The following CCDC190 variants were observed in gnomAD, a reference collection of about 807,000 sequenced individuals.
CCDC190 encodes coiled-coil domain containing 190, also known as coiled-coil domain-containing protein 190.
A neutral mutation model predicts 13.1 loss-of-function variants in CCDC190; 10 were observed. The ratio of observed to expected loss-of-function variants is 0.77; its 90% CI spans 0.47 to 1.30. The LOEUF (loss-of-function observed/expected upper bound fraction) is 1.30, where lower values mean the gene tolerates loss of function less well. Ranked by LOEUF, CCDC190 falls within the 50% of genes most tolerant of loss-of-function variation. CCDC190 has a pLI of 0.00. For synonymous variants in CCDC190, 136 were observed against 127.2 expected (o/e 1.07, Z -0.47); for missense variants, 375 against 354.3 (o/e 1.06, Z -0.47).
upstream of CCDC190, among the ~76,000 whole-genome samples, chr1:162,864,490 G>A (rs10917617): frequency 0.81 from 122,197 of 151,764 alleles, 51,443 homozygotes; most frequent in Non-Finnish European, 0.94. Context: ...TATTTTTCTT[G>A]TTATATAAAT....
At chr1:162,859,802 A>G in intron 1 of CCDC190, 144 bp from the exon 2 acceptor site, 1 of 636,598 alleles carries the variant, frequency 1.6e-6, no homozygotes, top group Non-Finnish European at 2.6e-6. Context: ...CTATTGTTAA[A>G]TGAGTTTCCA....
chr1:162,856,294 T>C (rs1010958186), intron 2 of CCDC190, among the ~76,000 whole-genome samples: 1 of 152,212 alleles, frequency 6.6e-6, no homozygotes, highest in Non-Finnish European at 1.5e-5. Context: ...TAGATGGAAA[T>C]GGAAAATTTA....
At chr1:162,865,862 T>C (rs1159122673), upstream of CCDC190, among the ~76,000 whole-genome samples, 2 of 152,118 alleles carry the variant, frequency 1.3e-5, no homozygotes, top group South Asian at 4.2e-4. Context: ...CTCTTACCAC[T>C]TCTACTATTG....
intron 1 of CCDC190, among the ~76,000 whole-genome samples, chr1:162,868,333 A>C (rs1438839107): frequency 6.6e-6 from 1 of 152,236 alleles, no homozygotes; most frequent in Non-Finnish European, 1.5e-5. Flanking sequence ...CACAGCACAG[A>C]GCTTTCAAAA....
At chr1:162,857,704 G>A (rs1471680645) in intron 2 of CCDC190, among the ~76,000 whole-genome samples, 1 of 152,032 alleles carries the variant, frequency 6.6e-6, no homozygotes, top group Non-Finnish European at 1.5e-5. Flanking sequence ...TCCTTTGATA[G>A]ACACAGGAAC....
At chr1:162,868,000 A>G (rs1232378126) in intron 1 of CCDC190, among the ~76,000 whole-genome samples, 1 of 152,222 alleles carries the variant, frequency 6.6e-6, no homozygotes, top group Non-Finnish European at 1.5e-5. Context: ...TACTTGCTGC[A>G]TATATTTGTC....
chr1:162,859,244 T>A (rs1051014774), intron 2 of CCDC190, among the ~76,000 whole-genome samples: 14 of 152,124 alleles, frequency 9.2e-5, no homozygotes, highest in Non-Finnish European at 2.1e-4. Flanking sequence ...GCCTGAGAAA[T>A]GTTAGCTCAA....
chr1:162,855,575 T>C, intron 3 of CCDC190, 57 bp downstream of exon 3: 1 of 1,593,096 alleles, frequency 6.3e-7, no homozygotes, highest in East Asian at 2.2e-5. Flanking sequence ...TTTAAAGAGG[T>C]CATTTGGGAA....
At position 162,854,117 on chromosome 1, in the gene CCDC190, A is replaced by C. The variant is rs1650202538; in HGVS notation, c.*648T>G. On this transcript the variant is annotated 3_prime_UTR_variant, in exon 4 of 4. Transcript: ENST00000367912. ...TTGACAGCATGTTGGGAGATGATTA[A>C]AAGTTTTTTAAATCCTTTGATTCTA... 1.6e-6 allele frequency: 1 copy of C among 639,290 alleles called. No homozygotes were observed. Among genetic ancestry groups the C allele is most frequent in the African/African-American group, 2.0e-5 (1 of 50,234 alleles). The allele number at this position is 639,290 out of a possible 1,614,324, so 39.6% of individuals were successfully genotyped here.
At chr1:162,860,562 AT>A (rs554309165) in intron 1 of CCDC190, among the ~76,000 whole-genome samples, 149 of 144,696 alleles carry the variant, frequency 1.0e-3, no homozygotes, top group Middle Eastern at 3.6e-3. Context: ...AGGTTTGGTG[AT>A]TTTTTTTTTT....
Position 162,854,711 on chromosome 1 carries a change from A to G in CCDC190, c.*54T>C. 1 of 1,529,926 alleles carries G rather than the reference A, an allele frequency of 6.5e-7. No homozygotes were observed. Among genetic ancestry groups the G allele is most frequent in the South Asian group, 1.3e-5 (1 of 77,434 alleles). The allele number at this position is 1,529,926 out of a possible 1,614,324, so 94.8% of individuals were successfully genotyped here. Reference sequence around the variant, plus strand: ...TATTGCTTAATATAGTCATTTGAGGAACACATTTCCTTAGCAATAATGGCA... The same window carrying G: ...TATTGCTTAATATAGTCATTTGAGGGACACATTTCCTTAGCAATAATGGCA... On this transcript the variant is annotated 3_prime_UTR_variant, in exon 4 of 4. Coordinates refer to ENST00000367912, the MANE Select transcript of CCDC190 (RefSeq NM_001394065.1).
chr1:162,860,968 A>G (rs1558113352), intron 1 of CCDC190, 40 bp downstream of exon 1: 9 of 933,878 alleles, frequency 9.6e-6, no homozygotes, highest in Non-Finnish European at 1.0e-5. Flanking sequence ...TCTAAAGTAT[A>G]ACTAAACTTT....
chr1:162,868,214 T>C (rs1650773447), intron 1 of CCDC190, among the ~76,000 whole-genome samples: 1 of 152,184 alleles, frequency 6.6e-6, no homozygotes, highest in Non-Finnish European at 1.5e-5. Context: ...GATGTAGGAC[T>C]AAGATACAAG....
chr1:162,861,748 C>T (rs1217225715), upstream of CCDC190, among the ~76,000 whole-genome samples: 5 of 152,214 alleles, frequency 3.3e-5, no homozygotes, highest in South Asian at 8.3e-4. Context: ...GAAGGTTGAG[C>T]AGAGCTATTG....
Position 162,854,823 on chromosome 1 carries a change from G to A in CCDC190, c.848C>T (p.Ser283Leu), listed in dbSNP as rs1650225899. The change falls in exon 4 of 4, where the codon TCA becomes TTA. Residue 283 changes from serine (S) to leucine (L), a missense_variant. Coordinates refer to ENST00000367912, the MANE Select transcript of CCDC190 (RefSeq NM_001394065.1). ...TTCACACTCCTTTCCTGCCCTGGAT[G>A]ATGAGGATTCCCCATGCCCAAATAT... ...GEIFGHGESS[S>L]SRAGKECENR... 6.2e-7 allele frequency: 1 copy of A among 1,613,978 alleles called. No homozygotes were observed. The highest frequency in any genetic ancestry group is 8.5e-7 in the Non-Finnish European group (1 of 1,179,860).
intron 2 of CCDC190, among the ~76,000 whole-genome samples, chr1:162,856,968 G>A (rs1650325367): frequency 6.6e-6 from 1 of 152,076 alleles, no homozygotes; most frequent in Non-Finnish European, 1.5e-5. Flanking sequence ...GGCCCAATAG[G>A]TTCAAAAATG....
upstream of CCDC190, among the ~76,000 whole-genome samples, chr1:162,864,152 A>G (rs1234190331): frequency 6.6e-6 from 1 of 152,190 alleles, no homozygotes; most frequent in Non-Finnish European, 1.5e-5. Context: ...TACATTACAT[A>G]CAGAGGAACA....
At chr1:162,867,842 G>T (rs994273553) in intron 1 of CCDC190, among the ~76,000 whole-genome samples, 14 of 152,082 alleles carry the variant, frequency 9.2e-5, no homozygotes, top group Admixed American at 9.2e-4. Flanking sequence ...AAAGAGAAGT[G>T]GATTCCATAT....
chr1:162,852,082 T>C lies in CCDC190; in HGVS notation c.*2683A>G, dbSNP rs570812654. ...TCTGTCTCAGAAGGTTCTGTGAATA[T>C]TTAATGTAATGGCACAGGGTGGAGT... On this transcript the variant is annotated 3_prime_UTR_variant, in exon 4 of 4. Coordinates refer to ENST00000367912, the MANE Select transcript of CCDC190 (RefSeq NM_001394065.1). The C allele has an allele frequency of 6.6e-6, 1 of 152,360 alleles. No homozygotes were observed. Among genetic ancestry groups the C allele is most frequent in the East Asian group, 1.9e-4 (1 of 5,186 alleles). 9.4% of individuals were successfully genotyped at this position (152,360 alleles called of 1,614,324 possible). A position where few individuals can be genotyped will look rare whatever the true frequency, so the allele number is the denominator to read the frequency against.
Sources: gnomAD v4.1 joint callset for allele counts (sites outside exome capture counted in the v4.1 genomes callset) on GRCh38, gnomAD v4.1.1 for gene constraint, MANE v1.5 for transcripts, NCBI Gene and HGNC (gene_info 2026-07-23, HGNC 2026-07-21) for gene names.